Variants in NPHP4 observed in about 807,000 individuals in gnomAD.
NPHP4 encodes the protein nephrocystin 4.
Under a neutral mutation model 155.8 loss-of-function variants are expected in NPHP4, and 151 were observed. The ratio of observed to expected loss-of-function variants is 0.97; its 90% confidence interval spans 0.85 to 1.11. The LOEUF is 1.11. Ranked by LOEUF, NPHP4 falls within the 50% of genes least tolerant of loss-of-function variation. The pLI is 0.00. For synonymous variants in NPHP4, 845 were observed against 816.8 expected (o/e 1.03, Z -0.59); for missense variants, 1,956 against 1,925.7 (o/e 1.02, Z -0.29).
chr1:5,919,209 G>C (rs912672058), intron 11 of NPHP4, among the ~76,000 whole-genome samples: 9 of 152,062 alleles, frequency 5.9e-5, no homozygotes, highest in Non-Finnish European at 7.4e-5. Flanking sequence ...TCTATAATTG[G>C]GCCTCAATTG....
intron 27 of NPHP4, 133 bp from the exon 28 acceptor site, chr1:5,864,650 GC>G: frequency 1.3e-6 from 1 of 754,658 alleles, no homozygotes; most frequent in South Asian, 2.2e-5. Context: ...CAAATCTGAG[GC>G]CACAACCAAC....
Position 5,905,769 on chromosome 1 carries a change from C to T in NPHP4, c.1626G>A (p.Leu542=), listed in dbSNP as rs749755730. 1 of 1,608,690 alleles carries T rather than the reference C, an allele frequency of 6.2e-7. No homozygotes were observed. The highest frequency in any genetic ancestry group is 8.5e-7 in the Non-Finnish European group (1 of 1,177,424). ...ASPAQAQEFP[L]EAGISHLEAD... ...CTTCCAGGTGGGAGATACCGGCCTC[C>T]AACGGGAACTCCTGCTGAACAAAAC... Residue 542 remains leucine (L), a synonymous_variant, in exon 14 of 30, where the codon TTG becomes TTA. Coordinates refer to ENST00000378156, the MANE Select transcript of NPHP4 (RefSeq NM_015102.5). This position sits in a 1 kb window ranked among gnomAD's most constrained non-coding sequence, Gnocchi z 4.0.
At chr1:5,915,146 A>G (rs1029540850) in intron 11 of NPHP4, among the ~76,000 whole-genome samples, 3 of 152,244 alleles carry the variant, frequency 2.0e-5, no homozygotes, top group African/African-American at 7.2e-5. Context: ...AGGGGGCAGC[A>G]CGCAGAGGCT....
At chr1:5,960,641 T>C (rs1305436058) in intron 6 of NPHP4, among the ~76,000 whole-genome samples, 5 of 151,620 alleles carry the variant, frequency 3.3e-5, no homozygotes, top group South Asian at 4.2e-4. Flanking sequence ...ACATGACAGG[T>C]AGAAGGAGGC....
At chr1:5,908,025 G>A (rs754475813) in intron 12 of NPHP4, among the ~76,000 whole-genome samples, 3 of 152,228 alleles carry the variant, frequency 2.0e-5, no homozygotes, top group Non-Finnish European at 4.4e-5. Flanking sequence ...CAGCACCTGA[G>A]ACATTCACTG....
intron 7 of NPHP4, among the ~76,000 whole-genome samples, chr1:5,951,868 T>C (rs1648136420): frequency 6.6e-6 from 1 of 152,196 alleles, no homozygotes; most frequent in Admixed American, 6.5e-5. Context: ...CCTGGTGTTT[T>C]ACAGCTCGCA....
In NPHP4 at chr1:5,877,297, T is replaced by A; in HGVS notation, c.2613A>T (p.Arg871=). 1 of 1,590,440 alleles carries A rather than the reference T, an allele frequency of 6.3e-7. No homozygotes were observed. Among genetic ancestry groups the A allele is most frequent in the South Asian group, 1.1e-5 (1 of 89,194 alleles). ...GSLLTTGSSR[R]KHVVQAQKLA... is the part of the protein sequence containing the mutation. The stretch of plus-strand genomic sequence containing the variant: ...GCTTCTGTGCTTGCACCACGTGTTT[T>A]CCTGCGAAAGGGTCAGAGCGCGAGT... The change falls in exon 20 of 30, where the codon CGA becomes CGT. Residue 871 remains arginine, a splice_region_variant and synonymous_variant. Transcript: ENST00000378156.
intron 8 of NPHP4, among the ~76,000 whole-genome samples, 186 bp downstream of exon 8, chr1:5,947,884 G>T (rs1297560847): frequency 6.6e-6 from 1 of 151,736 alleles, no homozygotes; most frequent in East Asian, 1.9e-4. Flanking sequence ...GAAAAAAAAA[G>T]GGGGGGGCTT....
intron 6 of NPHP4, among the ~76,000 whole-genome samples, chr1:5,956,936 C>A (rs919686013): frequency 1.3e-5 from 2 of 152,168 alleles, no homozygotes; most frequent in African/African-American, 4.8e-5. Context: ...CGTGGCTAGA[C>A]GTGGAGCAGA....
In NPHP4 at chr1:5,867,468, T is replaced by C. The variant is rs1227970532; in HGVS notation, c.3472+272A>G. The C allele has an allele frequency of 1.8e-6, 1 of 562,872 alleles. No individual in the cohort carries two copies. The highest frequency in any genetic ancestry group is 3.2e-6 in the Non-Finnish European group (1 of 315,196). 34.9% of individuals were successfully genotyped at this position (562,872 alleles called of 1,614,324 possible). On this transcript the variant is annotated intron_variant, in intron 24 of 29. Transcript: ENST00000378156. This position sits in a 1 kb window ranked among gnomAD's most constrained non-coding sequence, Gnocchi z 4.1. ...GGCCGTCAGGTGAGGAGGTAGGTGT[T>C]CCTCCAGGCACACCTGGACCTGGGC...
intron 21 of NPHP4, 56 bp downstream of exon 21, chr1:5,874,818 G>A (rs372111916): frequency 2.9e-5 from 45 of 1,572,314 alleles, no homozygotes; most frequent in Middle Eastern, 3.4e-4. Flanking sequence ...CAGGGGTGCC[G>A]GCTGCACCCG....
At chr1:5,880,002 T>A in intron 19 of NPHP4, 112 bp downstream of exon 19, 1 of 1,267,712 alleles carries the variant, frequency 7.9e-7, no homozygotes, top group Non-Finnish European at 1.1e-6. Context: ...CCACGAATGG[T>A]GCACACACAC....
intron 9 of NPHP4, among the ~76,000 whole-genome samples, chr1:5,943,554 T>C (rs1233682809): frequency 6.6e-6 from 1 of 152,026 alleles, no homozygotes; most frequent in Non-Finnish European, 1.5e-5. Context: ...TACGAATGTG[T>C]GATGAAGGCA....
chr1:5,956,575 C>A (rs11583324), intron 6 of NPHP4, among the ~76,000 whole-genome samples: 1 of 152,146 alleles, frequency 6.6e-6, no homozygotes, highest in Non-Finnish European at 1.5e-5. Flanking sequence ...AGTAAAGCAC[C>A]TGAGCCCAAG....
At position 5,866,376 on chromosome 1, in the gene NPHP4, T is replaced by C; in HGVS notation, c.3641A>G (p.Tyr1214Cys). Residue 1214 changes from tyrosine to cysteine, a missense_variant, in exon 26 of 30, where the codon TAC becomes TGC. Physicochemically the swap from Tyr to Cys is radical, Grantham distance 194 (BLOSUM62 -2). Transcript: ENST00000378156. ...PEIKDFFVII[Y>C]SDRWLATPTQ... The stretch of plus-strand genomic sequence containing the variant: ...TCCCCAAAGCCTGTGCACTTACGAG[T>C]AAATGATGACAAAGAAGTCTTTGAT... The C allele has an allele frequency of 6.2e-7, 1 of 1,601,092 alleles. No individual in the cohort carries two copies. Among genetic ancestry groups the C allele is most frequent in the Non-Finnish European group, 8.5e-7 (1 of 1,170,760 alleles).
At chr1:5,916,151 A>G (rs1645458678) in intron 11 of NPHP4, among the ~76,000 whole-genome samples, 1 of 152,246 alleles carries the variant, frequency 6.6e-6, no homozygotes, top group African/African-American at 2.4e-5. Context: ...CAAGTTACAA[A>G]AAAATAAAGA....
At chr1:5,979,568 C>T (rs561279676) in intron 2 of NPHP4, among the ~76,000 whole-genome samples, 4 of 152,228 alleles carry the variant, frequency 2.6e-5, no homozygotes, top group South Asian at 2.1e-4. Context: ...AAAAGGGTCT[C>T]GTCTGTCACC....
rs369950251 is a variant in NPHP4, at chr1:5,923,432, A to C, written c.1441+4217T>G. On this transcript the variant is annotated intron_variant, in intron 11 of 29. Coordinates refer to ENST00000378156, the MANE Select transcript of NPHP4 (RefSeq NM_015102.5). ...AGCTTACTGTGTTCAGTGAGTTTGC[A>C]CCAGACAGGATGAGCAGCACAGAGA... is the stretch of plus-strand genomic sequence containing the variant. 3.3e-5 allele frequency among the ~76,000 whole-genome samples: 5 copies of C among 152,334 alleles called. No individual in the cohort carries two copies. In the East Asian group the frequency reaches 7.7e-4, roughly 24 times the overall value.
intron 6 of NPHP4, among the ~76,000 whole-genome samples, chr1:5,958,248 C>T (rs1373125319): frequency 1.3e-5 from 2 of 152,228 alleles, no homozygotes; most frequent in East Asian, 1.9e-4. Context: ...GAACAGCCGT[C>T]AGAAAGCAGC....
Sources: allele counts gnomAD v4.1 joint callset (sites outside exome capture counted in the v4.1 genomes callset), GRCh38; gene constraint gnomAD v4.1.1; non-coding constraint Gnocchi (gnomAD v3.1); transcripts MANE v1.5; gene names NCBI Gene and HGNC (gene_info 2026-07-23, HGNC 2026-07-21).